The following ADGRL3 variants were observed in gnomAD, a reference collection of about 807,000 sequenced individuals.
The protein encoded by ADGRL3 is calcium-independent alpha-latrotoxin receptor 3.
In ADGRL3, 62 loss-of-function variants were observed where a neutral mutation model predicts 153.5. The observed-to-expected ratio is 0.40, with a 90% confidence interval of 0.33 to 0.50. The LOEUF is 0.50. Among genes scored for constraint, ADGRL3 ranks in the 20% least tolerant of loss-of-function variants. The pLI, the probability that ADGRL3 is intolerant of heterozygous loss-of-function variation, is 0.47. For missense variants in ADGRL3, 1,641 were observed against 1,859.4 expected (o/e 0.88, Z 2.16); for synonymous variants, 710 against 672.5 (o/e 1.06, Z -0.86).
chr4:61,604,309 A>T lies in ADGRL3; in HGVS notation c.473+16869A>T, dbSNP rs553691635. Among the ~76,000 whole-genome samples, 8 of 152,326 alleles carry T rather than the reference A, an allele frequency of 5.3e-5. No individual in the cohort carries two copies. The East Asian group carries it at 1.2e-3, about 22-fold the overall frequency. On this transcript the variant is annotated intron_variant, in intron 5 of 26. Coordinates refer to ENST00000683033, the MANE Select transcript of ADGRL3 (RefSeq NM_001387552.1). ...CTAGGTTGTTGAGGTCTAGATAATT[A>T]AAATGATATAGAAGCATGAGCCATG... is the stretch of plus-strand genomic sequence containing the variant.
At chr4:61,671,370 T>C (rs2094989958) in intron 5 of ADGRL3, among the ~76,000 whole-genome samples, 1 of 152,212 alleles carries the variant, frequency 6.6e-6, no homozygotes, top group African/African-American at 2.4e-5. Context: ...GTGTATCTTC[T>C]ATGACGGTCA....
chr4:61,773,870 G>T (rs1227723524), intron 8 of ADGRL3, among the ~76,000 whole-genome samples: 1 of 152,140 alleles, frequency 6.6e-6, no homozygotes, highest in Non-Finnish European at 1.5e-5. Flanking sequence ...TAGAGAAGTG[G>T]CAAGACAAAG....
intron 1 of ADGRL3, among the ~76,000 whole-genome samples, chr4:61,333,900 G>A (rs953080520): frequency 2.0e-5 from 3 of 150,116 alleles, no homozygotes; most frequent in Non-Finnish European, 4.4e-5. Flanking sequence ...ACAGGCATGA[G>A]CCACTGTGCC....
intron 1 of ADGRL3, among the ~76,000 whole-genome samples, chr4:61,327,057 T>C (rs1424212048): frequency 6.6e-6 from 1 of 151,956 alleles, no homozygotes; most frequent in Non-Finnish European, 1.5e-5. Flanking sequence ...AATAGTGGTG[T>C]TCAGTCAACC....
intron 3 of ADGRL3, among the ~76,000 whole-genome samples, chr4:61,513,039 A>T (rs2098471934): frequency 6.6e-6 from 1 of 152,208 alleles, no homozygotes; most frequent in Non-Finnish European, 1.5e-5. Flanking sequence ...ATGAAAATTA[A>T]AGCCCTGGTA....
intron 1 of ADGRL3, among the ~76,000 whole-genome samples, chr4:61,364,164 T>C (rs796316697): frequency 4.0e-5 from 6 of 151,450 alleles, no homozygotes; most frequent in African/African-American, 1.5e-4. Context: ...ACCCCGTCTC[T>C]ACTAAAATAA....
chr4:61,629,756 A>G (rs2093045594), intron 5 of ADGRL3, among the ~76,000 whole-genome samples: 1 of 145,052 alleles, frequency 6.9e-6, no homozygotes, highest in South Asian at 2.2e-4. Context: ...AAAAAAAAAA[A>G]AAAAAAAAAA....
chr4:61,455,111 C>T (rs1270972632), intron 2 of ADGRL3, among the ~76,000 whole-genome samples: 4 of 152,054 alleles, frequency 2.6e-5, no homozygotes, highest in Non-Finnish European at 5.9e-5. Flanking sequence ...TAAATCTAAT[C>T]AGTCAAAAAT....
rs1366742438 is a variant in ADGRL3 at position 61,517,483 on chromosome 4, G to T, written c.224G>T (p.Gly75Val). Residue 75 changes from glycine (G) to valine (V), a missense_variant, in exon 4 of 27, where the codon GGT becomes GTT. Transcript: ENST00000683033. ...CGTGGAGCTACCAGAGGAGTTCGCGGTCCAGGTGCCCAAGGAGCACAGATT... is the reference window on the plus strand; with the variant it reads ...CGTGGAGCTACCAGAGGAGTTCGCGTTCCAGGTGCCCAAGGAGCACAGATT... ...GPRGATRGVR[G>V]PGAQGAQIAA... is the part of the protein sequence containing the mutation. 4.1e-6 allele frequency: 3 copies of T among 730,074 alleles called. No individual in the cohort carries two copies. The highest frequency in any genetic ancestry group is 7.3e-6 in the Non-Finnish European group (3 of 410,346). The allele number at this position is 730,074 out of a possible 1,614,324, so 45.2% of individuals were successfully genotyped here. A position where few individuals can be genotyped will look rare whatever the true frequency, so the allele number is the denominator to read the frequency against.
intron 2 of ADGRL3, among the ~76,000 whole-genome samples, chr4:61,471,003 C>T (rs1317236978): frequency 1.3e-5 from 2 of 151,808 alleles, no homozygotes; most frequent in African/African-American, 2.4e-5. Context: ...GACTTAAATA[C>T]AGTATATATT....
At chr4:61,763,131 T>G (rs2096932666) in intron 8 of ADGRL3, among the ~76,000 whole-genome samples, 1 of 152,136 alleles carries the variant, frequency 6.6e-6, no homozygotes, top group Non-Finnish European at 1.5e-5. Flanking sequence ...TAAAGATTTT[T>G]TTTCTTTACT....
At chr4:61,426,371 G>A (rs2097280607) in intron 2 of ADGRL3, among the ~76,000 whole-genome samples, 1 of 152,130 alleles carries the variant, frequency 6.6e-6, no homozygotes, top group Non-Finnish European at 1.5e-5. Flanking sequence ...TCAGTACTAG[G>A]CTGGACCGCA....
chr4:61,840,236 T>C (rs749831869), intron 9 of ADGRL3, among the ~76,000 whole-genome samples: 24 of 152,004 alleles, frequency 1.6e-4, no homozygotes, highest in Admixed American at 5.2e-4. Context: ...CCTGCCACCA[T>C]GTCCGGCTAA....
intron 8 of ADGRL3, among the ~76,000 whole-genome samples, chr4:61,808,315 T>G (rs561643620): frequency 1.3e-5 from 2 of 152,268 alleles, no homozygotes; most frequent in East Asian, 3.9e-4. Context: ...AAACACATAG[T>G]TACCTTGCTT....
At chr4:61,218,192 G>A (rs1241663597) in intron 1 of ADGRL3, among the ~76,000 whole-genome samples, 1 of 152,160 alleles carries the variant, frequency 6.6e-6, no homozygotes, top group Non-Finnish European at 1.5e-5. Flanking sequence ...AGTAAGTGTG[G>A]TTTAGGAAAA....
chr4:61,406,417 C>A (rs192490777), intron 2 of ADGRL3, among the ~76,000 whole-genome samples: 1 of 151,806 alleles, frequency 6.6e-6, no homozygotes, highest in African/African-American at 2.4e-5. Flanking sequence ...ATTAATAATA[C>A]ATTTTATAGA....
At chr4:61,798,194 T>C (rs770811894) in intron 8 of ADGRL3, among the ~76,000 whole-genome samples, 2 of 152,190 alleles carry the variant, frequency 1.3e-5, no homozygotes, top group Non-Finnish European at 2.9e-5. Flanking sequence ...AGTAATAAAA[T>C]AGCAAGGGGT....
chr4:61,497,642 A>G (rs1579188404), intron 3 of ADGRL3, among the ~76,000 whole-genome samples: 1 of 148,688 alleles, frequency 6.7e-6, no homozygotes, highest in African/African-American at 2.5e-5. Context: ...CAGCCTCCTG[A>G]GTAGCTGGGA....
chr4:61,527,152 T>G (rs552116239), intron 4 of ADGRL3, among the ~76,000 whole-genome samples: 1 of 152,072 alleles, frequency 6.6e-6, no homozygotes, highest in Admixed American at 6.6e-5. Flanking sequence ...CAAAAATATA[T>G]AGATTTCTCA....
Sources: allele counts gnomAD v4.1 joint callset (sites outside exome capture counted in the v4.1 genomes callset), GRCh38; gene constraint gnomAD v4.1.1; transcripts MANE v1.5; gene names NCBI Gene and HGNC (gene_info 2026-07-23, HGNC 2026-07-21).